The following RIPK3 variants were observed in gnomAD, a reference collection of about 807,000 sequenced individuals.
The protein encoded by RIPK3 is receptor interacting serine/threonine kinase 3, also known as receptor-interacting serine/threonine-protein kinase 3.
A neutral mutation model predicts 51.6 loss-of-function variants in RIPK3; 51 were observed. That is an observed-to-expected ratio of 0.99 (90% CI 0.79 to 1.25). The LOEUF (loss-of-function observed/expected upper bound fraction) is 1.25, where lower values mean the gene tolerates loss of function less well. Ranked by LOEUF, RIPK3 falls within the 50% of genes most tolerant of loss-of-function variation. The pLI, the probability that RIPK3 is intolerant of heterozygous loss-of-function variation, is 0.00. For synonymous variants in RIPK3, 246 were observed against 257.7 expected, an observed-to-expected ratio of 0.95 and a Z score of 0.44; for missense variants, 654 against 650.4, an observed-to-expected ratio of 1.01 and a Z score of -0.06.
Position 24,338,532 on chromosome 14 carries a change from G to C in RIPK3, c.507C>G (p.Gly169=). The C allele has an allele frequency of 6.2e-7, 1 of 1,611,280 alleles. No homozygotes were observed. Among genetic ancestry groups the C allele is most frequent in the Non-Finnish European group, 8.5e-7 (1 of 1,177,704 alleles). Reference sequence around the variant, plus strand: ...CCCCGGACCCTGTCCCTGACTGTGAGCCTCCCTGAAATGTGGACAGGCCAA... The same window carrying C: ...CCCCGGACCCTGTCCCTGACTGTGACCCTCCCTGAAATGTGGACAGGCCAA... ...ADFGLSTFQG[G]SQSGTGSGEP... is the part of the protein sequence containing the mutation. Residue 169 remains glycine (G), a synonymous_variant, in exon 4 of 10, where the codon GGC becomes GGG. Coordinates refer to ENST00000216274, the MANE Select transcript of RIPK3 (RefSeq NM_006871.4).
At position 24,338,460 on chromosome 14, in the gene RIPK3, G is replaced by A. The variant is rs535090622; in HGVS notation, c.579C>T (p.Asn193=). The A allele has an allele frequency of 9.3e-6, 15 of 1,613,794 alleles. No homozygotes were observed. The highest frequency in any genetic ancestry group is 4.4e-5 in the South Asian group (4 of 91,078). Residue 193 remains asparagine (N), a synonymous_variant, in exon 4 of 10, where the codon AAC becomes AAT. Coordinates refer to ENST00000216274, the MANE Select transcript of RIPK3 (RefSeq NM_006871.4). ...TGGCTGTGGAGGCCTTCCGGTTTAC[G>A]TTAACAAACAGTTCTGGGGCCAAGT... is the stretch of plus-strand genomic sequence containing the variant. The part of the protein sequence containing the change: ...LGYLAPELFV[N]VNRKASTASD...
At position 24,339,583 on chromosome 14, in the gene RIPK3, G is replaced by C. The variant is rs138819637; in HGVS notation, c.35C>G (p.Pro12Arg). Residue 12 changes from proline (P) to arginine (R), a missense_variant, in exon 2 of 10, where the codon CCC (proline) becomes CGC (arginine). Physicochemically the swap from Pro to Arg is moderately radical, Grantham distance 103. Transcript: ENST00000216274. This position sits in a 1 kb window ranked among gnomAD's most constrained non-coding sequence, Gnocchi z 4.0. ...TTCCTCGATGGACACCAAGGGGGCG[G>C]GGGCACCGCTGGGCCTGAGAGAGGG... ...SCVKLWPSGA[P>R]APLVSIEELE... The C allele has an allele frequency of 1.9e-5, 30 of 1,614,068 alleles. No individual in the cohort carries two copies. In the African/African-American group the frequency reaches 3.2e-4, roughly 17 times the overall value.
Position 24,337,071 on chromosome 14 carries a change from C to T in RIPK3, c.1275+15G>A. On this transcript the variant is annotated intron_variant, in intron 8 of 9. Transcript: ENST00000216274. ...AGGACTCTTAGTGCATCCCCTAATCCTGTCAATGTCTCACCTGATTCCCTC... is the reference window on the plus strand; with the variant it reads ...AGGACTCTTAGTGCATCCCCTAATCTTGTCAATGTCTCACCTGATTCCCTC... 6.2e-7 allele frequency: 1 copy of T among 1,612,420 alleles called. No homozygotes were observed. The highest frequency in any genetic ancestry group is 8.5e-7 in the Non-Finnish European group (1 of 1,179,482).
Position 24,339,948 on chromosome 14 carries a change from G to T in RIPK3, c.-122C>A. 1.9e-6 allele frequency: 2 copies of T among 1,033,178 alleles called. No homozygotes were observed. The highest frequency in any genetic ancestry group is 2.8e-6 in the Non-Finnish European group (2 of 724,000). The allele number at this position is 1,033,178 out of a possible 1,614,324, so 64.0% of individuals were successfully genotyped here. On this transcript the variant is annotated 5_prime_UTR_variant, in exon 1 of 10. Coordinates refer to ENST00000216274, the MANE Select transcript of RIPK3 (RefSeq NM_006871.4). This position sits in a 1 kb window ranked among gnomAD's most constrained non-coding sequence, Gnocchi z 4.0. ...CTGTCTGTGCAGGGGTCAGTCTCTAGACCAAGACGGTGAGTCTACTTTCCG... is the reference window on the plus strand; with the variant it reads ...CTGTCTGTGCAGGGGTCAGTCTCTATACCAAGACGGTGAGTCTACTTTCCG...
intron 9 of RIPK3, 63 bp from the exon 10 acceptor site, chr14:24,336,458 G>A (rs904103025): frequency 1.3e-6 from 2 of 1,575,422 alleles, no homozygotes; most frequent in Non-Finnish European, 1.7e-6. Context: ...AGTTGGGGGT[G>A]GGTGGGGAGT....
At position 24,339,017 on chromosome 14, in the gene RIPK3, T is replaced by C; in HGVS notation, c.469A>G (p.Lys157Glu). Residue 157 changes from lysine to glutamate, a missense_variant and splice_region_variant, in exon 3 of 10, where the codon AAG becomes GAG. Lys to Glu is a moderately conservative substitution (Grantham distance 56). Coordinates refer to ENST00000216274, the MANE Select transcript of RIPK3 (RefSeq NM_006871.4). This position sits in a 1 kb window ranked among gnomAD's most constrained non-coding sequence, Gnocchi z 4.0. ...NVLLDPELHV[K>E]LADFGLSTFQ... ...GAGAGGGGTGTAGACCAGCTGACCT[T>C]GACGTGCAGCTCTGGGTCCAGCAGG... 6.2e-7 allele frequency: 1 copy of C among 1,613,266 alleles called. No homozygotes were observed. Among genetic ancestry groups the C allele is most frequent in the South Asian group, 1.1e-5 (1 of 91,070 alleles).
At chr14:24,338,953 G>A in intron 3 of RIPK3, 62 bp downstream of exon 3, 2 of 1,352,274 alleles carry the variant, frequency 1.5e-6, no homozygotes, top group Non-Finnish European at 2.1e-6. Flanking sequence ...GTGTCCGGCG[G>A]GCCTGGCTGG....
Position 24,339,750 on chromosome 14 carries a change from G to A in RIPK3, c.20+57C>T. The A allele has an allele frequency of 6.4e-7, 1 of 1,565,648 alleles. No individual in the cohort carries two copies. Among genetic ancestry groups the A allele is most frequent in the Non-Finnish European group, 8.6e-7 (1 of 1,156,262 alleles). ...AAAGACGTTCTCTGAGCGAGTCTGT[G>A]GGGCTCTCTGGGTGTGAATGTCGGA... On this transcript the variant is annotated intron_variant, in intron 1 of 9. Coordinates refer to ENST00000216274, the MANE Select transcript of RIPK3 (RefSeq NM_006871.4). This position sits in a 1 kb window ranked among gnomAD's most constrained non-coding sequence, Gnocchi z 4.0.
At position 24,337,092 on chromosome 14, in the gene RIPK3, C is replaced by T. The variant is rs1288825083; in HGVS notation, c.1269G>A (p.Gly423=). ...AATCCTGTCAATGTCTCACCTGATT[C>T]CCTCGGGGTCCAGGACTTGGTGTTC... ...STGTPSPGPR[G]NQGAERQGMN... Residue 423 remains glycine, a synonymous_variant, in exon 8 of 10, where the codon GGG becomes GGA. Transcript: ENST00000216274. 1.2e-6 allele frequency: 2 copies of T among 1,611,808 alleles called. No individual in the cohort carries two copies. The highest frequency in any genetic ancestry group is 1.7e-6 in the Non-Finnish European group (2 of 1,179,912).
At position 24,336,273 on chromosome 14, in the gene RIPK3, C is replaced by T. The variant is rs747485207; in HGVS notation, c.1459G>A (p.Gly487Ser). 5.0e-6 allele frequency: 8 copies of T among 1,614,034 alleles called. No homozygotes were observed. In the East Asian group the frequency reaches 6.7e-5, roughly 13 times the overall value. The change falls in exon 10 of 10, where the codon GGC becomes AGC. Residue 487 changes from glycine (G) to serine (S), a missense_variant. Gly to Ser is a moderately conservative substitution (Grantham distance 56, BLOSUM62 0). Coordinates refer to ENST00000216274, the MANE Select transcript of RIPK3 (RefSeq NM_006871.4). ...WGLAPSGKGR[G>S]LQHPPPVGSQ... ...CCTACTGGTGGGGGGTGCTGCAAGC[C>T]CCTCCCCTTGCCCGAAGGTGCCAAG...
At chr14:24,337,514 C>T in intron 7 of RIPK3, 54 bp from the exon 8 acceptor site, 1 of 1,610,680 alleles carries the variant, frequency 6.2e-7, no homozygotes, top group East Asian at 2.2e-5. Context: ...CAGAGTAAAC[C>T]CAAGGGAGTA....
rs1040779471 is a variant in RIPK3, at chr14:24,338,243, T to C, written c.664+6A>G. ...TAAGGATCCCAGAATCCTCCTAGAGTCTTACACTCAACTTCTCTTCCAGCA... is the reference window on the plus strand; with the variant it reads ...TAAGGATCCCAGAATCCTCCTAGAGCCTTACACTCAACTTCTCTTCCAGCA... On this transcript the variant is annotated splice_donor_region_variant and intron_variant, in intron 5 of 9. Coordinates refer to ENST00000216274, the MANE Select transcript of RIPK3 (RefSeq NM_006871.4). 1.3e-6 allele frequency: 2 copies of C among 1,525,476 alleles called. No individual in the cohort carries two copies. Among genetic ancestry groups the C allele is most frequent in the Non-Finnish European group, 1.8e-6 (2 of 1,137,138 alleles). The allele number at this position is 1,525,476 out of a possible 1,614,324, so 94.5% of individuals were successfully genotyped here. A position where few individuals can be genotyped will look rare whatever the true frequency, so the allele number is the denominator to read the frequency against.
In RIPK3 at chr14:24,339,078, C is replaced by A. The variant is rs144353332; in HGVS notation, c.408G>T (p.Pro136=). Residue 136 remains proline (P), a synonymous_variant, in exon 3 of 10, where the codon CCG becomes CCT. Transcript: ENST00000216274. This position sits in a 1 kb window ranked among gnomAD's most constrained non-coding sequence, Gnocchi z 4.0. Reference sequence around the variant, plus strand: ...GCTTGAGGTCCCGGTGCAGGAGCACCGGGTTCTGGTCGTGCAGGTAAAACA... The same window carrying A: ...GCTTGAGGTCCCGGTGCAGGAGCACAGGGTTCTGGTCGTGCAGGTAAAACA... ...LGMFYLHDQN[P]VLLHRDLKPS... 2 of 1,614,096 alleles carry A rather than the reference C, an allele frequency of 1.2e-6. No homozygotes were observed. The highest frequency in any genetic ancestry group is 1.7e-6 in the Non-Finnish European group (2 of 1,180,000).
rs1254837484 is a variant in RIPK3 at position 24,339,084 on chromosome 14, C to G, written c.402G>C (p.Gln134His). ...VVLGMFYLHDQNPVLLHRDLK... is the reference protein window; with the variant it reads ...VVLGMFYLHDHNPVLLHRDLK... ...GGTCCCGGTGCAGGAGCACCGGGTT[C>G]TGGTCGTGCAGGTAAAACATCCCAA... Residue 134 changes from glutamine (Q) to histidine (H), a missense_variant, in exon 3 of 10, where the codon CAG becomes CAC. By Grantham distance (24) the Gln-to-His change is conservative. Coordinates refer to ENST00000216274, the MANE Select transcript of RIPK3 (RefSeq NM_006871.4). The surrounding 1 kb of genome is among the most constrained non-coding windows in gnomAD (Gnocchi z 4.0). The G allele has an allele frequency of 6.2e-7, 1 of 1,614,184 alleles. No individual in the cohort carries two copies. The highest frequency in any genetic ancestry group is 1.7e-5 in the Admixed American group (1 of 60,026).
In RIPK3 at chr14:24,338,035, T is replaced by A; in HGVS notation, c.670A>T (p.Thr224Ser). ...GCTTCGTACACGAGTGATGGTTCGG[T>A]TGGCACTGGAGTAGGGGAGGAGGGT... ...VLAGREVELPTEPSLVYEAVC... is the reference protein window; with the variant it reads ...VLAGREVELPSEPSLVYEAVC... Residue 224 changes from threonine (T) to serine (S), a missense_variant, in exon 6 of 10, where the codon ACC (threonine) becomes TCC (serine). Coordinates refer to ENST00000216274, the MANE Select transcript of RIPK3 (RefSeq NM_006871.4). 6.2e-7 allele frequency: 1 copy of A among 1,614,026 alleles called. No homozygotes were observed. Among genetic ancestry groups the A allele is most frequent in the Non-Finnish European group, 8.5e-7 (1 of 1,180,024 alleles).
At chr14:24,338,677 G>A (rs1277387946) in intron 3 of RIPK3, 110 bp from the exon 4 acceptor site, 3 of 1,429,818 alleles carry the variant, frequency 2.1e-6, no homozygotes, top group Non-Finnish European at 2.8e-6. Flanking sequence ...AAGGGAGTGT[G>A]GAGGTCAAGG....
rs2042136695 is a variant in RIPK3 at position 24,336,480 on chromosome 14, A to G, written c.1337-85T>C. 4 of 1,543,596 alleles carry G rather than the reference A, an allele frequency of 2.6e-6. No individual in the cohort carries two copies. The East Asian group carries it at 9.0e-5, about 35-fold the overall frequency. The stretch of plus-strand genomic sequence containing the variant: ...GGTGGGTGGGGAGTATGAAGTCTCT[A>G]CTTGTCAGTGGCTGTGTCAAGGTGT... On this transcript the variant is annotated intron_variant, in intron 9 of 9. Transcript: ENST00000216274.
chr14:24,336,975 C>T (rs758615995), intron 8 of RIPK3, 30 bp from the exon 9 acceptor site: 2 of 1,610,586 alleles, frequency 1.2e-6, no homozygotes, highest in Non-Finnish European at 1.7e-6. Flanking sequence ...TCCAGTTCTG[C>T]CCTGGAGCCT....
Position 24,339,444 on chromosome 14 carries a change from C to A in RIPK3, c.161+13G>T, listed in dbSNP as rs778575887. On this transcript the variant is annotated intron_variant, in intron 2 of 9. Coordinates refer to ENST00000216274, the MANE Select transcript of RIPK3 (RefSeq NM_006871.4). The surrounding 1 kb of genome is among the most constrained non-coding windows in gnomAD (Gnocchi z 4.0). ...TGGCCAGATTGCGGCTGGGGTCAAC[C>A]GGGGTCACTCACGAGTTTACGATCT... 8 of 1,614,052 alleles carry A rather than the reference C, an allele frequency of 5.0e-6. No individual in the cohort carries two copies. Among genetic ancestry groups the A allele is most frequent in the Non-Finnish European group, 6.8e-6 (8 of 1,180,016 alleles).
Sources: allele counts gnomAD v4.1 joint callset, GRCh38; gene constraint gnomAD v4.1.1; non-coding constraint Gnocchi (gnomAD v3.1); transcripts MANE v1.5; gene names NCBI Gene and HGNC (gene_info 2026-07-23, HGNC 2026-07-21).